QRICH1: variants seen among roughly 807,000 people sequenced by gnomAD.
The protein encoded by QRICH1 is glutamine rich 1.
Under a neutral mutation model 87.1 loss-of-function variants are expected in QRICH1, and 16 were observed. The ratio of observed to expected loss-of-function variants is 0.18; its 90% CI spans 0.12 to 0.28. The LOEUF (loss-of-function observed/expected upper bound fraction) is 0.28, where lower values mean the gene tolerates loss of function less well. QRICH1 is among the 10% of genes least tolerant of loss of function. The pLI is 1.00. For synonymous variants in QRICH1, 367 were observed against 368.4 expected (o/e 1.00, Z 0.05); for missense variants, 647 against 951.7 (o/e 0.68, Z 4.21).
rs765100231 is a variant in QRICH1, at chr3:49,057,112, C to A, written c.1088G>T (p.Gly363Val). ...GGAGTTTTTCACTACAGATGTGGTG[C>A]CCACCATCTTCTCCTTGTCATCCTC... Reference protein sequence around the residue: ...KLEDDKEKMVGTTSVVKNSHE... With the variant: ...KLEDDKEKMVVTTSVVKNSHE... Residue 363 changes from glycine to valine, a missense_variant, in exon 3 of 10, where the codon GGC (glycine) becomes GTC (valine). Physicochemically the swap from Gly to Val is moderately radical, Grantham distance 109 (BLOSUM62 -3). Coordinates refer to ENST00000395443, the MANE Select transcript of QRICH1 (RefSeq NM_198880.3). This position sits in a 1 kb window ranked among gnomAD's most constrained non-coding sequence, Gnocchi z 5.4. The A allele has an allele frequency of 9.9e-6, 16 of 1,614,090 alleles. No individual in the cohort carries two copies. The Admixed American group carries it at 2.5e-4, about 25-fold the overall frequency.
At chr3:49,032,819 G>T in intron 7 of QRICH1, 46 bp from the exon 8 acceptor site, 4 of 1,575,062 alleles carry the variant, frequency 2.5e-6, no homozygotes, top group Non-Finnish European at 2.6e-6. Context: ...GTGCCGGGAG[G>T]ATACCATGAC....
At chr3:49,082,292 T>A (rs1475525676) in intron 1 of QRICH1, among the ~76,000 whole-genome samples, 3 of 152,202 alleles carry the variant, frequency 2.0e-5, no homozygotes, top group Admixed American at 6.6e-5. Context: ...TTCTATTTAA[T>A]CAATATTTTA....
intron 3 of QRICH1, among the ~76,000 whole-genome samples, chr3:49,053,215 G>A (rs527511873): frequency 5.3e-5 from 8 of 152,214 alleles, no homozygotes; most frequent in East Asian, 3.9e-4. Flanking sequence ...TCGGCCAGGC[G>A]CGGTGGCTCA....
chr3:49,070,077 G>A (rs1327061775), intron 2 of QRICH1, among the ~76,000 whole-genome samples: 2 of 148,240 alleles, frequency 1.3e-5, no homozygotes, highest in East Asian at 3.9e-4. Context: ...CGCTCACATT[G>A]CCCAGTCTGG....
At chr3:49,087,822 A>AAAAAAAAAAAAAAAAAAAAAC in intron 1 of QRICH1, among the ~76,000 whole-genome samples, 1 of 145,502 alleles carries the variant, frequency 6.9e-6, no homozygotes, top group Non-Finnish European at 1.5e-5. Flanking sequence ...TCATCTCAAA[A>AAAAAAAAAAAAAAAAAAAAAC]AAAAAAAAAA....
At chr3:49,052,665 TTTTTA>T (rs2106886981) in intron 3 of QRICH1, among the ~76,000 whole-genome samples, 1 of 152,142 alleles carries the variant, frequency 6.6e-6, no homozygotes, top group Non-Finnish European at 1.5e-5. Flanking sequence ...CCAGCTAATT[TTTTTA>T]TTTTTTTATT....
chr3:49,079,781 C>T (rs1015529836), intron 1 of QRICH1, among the ~76,000 whole-genome samples: 1 of 152,142 alleles, frequency 6.6e-6, no homozygotes, highest in Admixed American at 6.6e-5. Context: ...GTAATCCCAG[C>T]ACTTTGGGAG....
At chr3:49,069,543 ATTTTT>A (rs372639913) in intron 2 of QRICH1, among the ~76,000 whole-genome samples, 2 of 122,796 alleles carry the variant, frequency 1.6e-5, no homozygotes, top group African/African-American at 3.1e-5. Context: ...ATGGGGGGGA[ATTTTT>A]TTTTTTTTTT....
intron 6 of QRICH1, among the ~76,000 whole-genome samples, chr3:49,034,079 T>TTATTATTATTA (rs2093259564): frequency 2.7e-5 from 4 of 147,208 alleles, no homozygotes; most frequent in African/African-American, 9.9e-5. Context: ...TTTGGGGGAT[T>TTATTATTATTA]TTATTATTAT....
chr3:49,034,079 T>TTTTTTA (rs1553739007), intron 6 of QRICH1, among the ~76,000 whole-genome samples: 2,673 of 147,200 alleles, frequency 0.018, 94 homozygotes, highest in African/African-American at 0.063. Context: ...TTTGGGGGAT[T>TTTTTTA]TTATTATTAT....
chr3:49,092,010 T>G (rs1431390871), intron 1 of QRICH1, among the ~76,000 whole-genome samples: 1 of 148,280 alleles, frequency 6.7e-6, no homozygotes, highest in Non-Finnish European at 1.5e-5. Flanking sequence ...AGGCGGAGGT[T>G]GCAGTGAGCC....
chr3:49,092,053 C>T (rs2042286741), intron 1 of QRICH1, among the ~76,000 whole-genome samples: 1 of 148,294 alleles, frequency 6.7e-6, no homozygotes, highest in South Asian at 2.1e-4. Context: ...GCCTGGGTGA[C>T]AGAGTGAGAC....
chr3:49,051,629 C>T (rs1217639138), intron 3 of QRICH1, among the ~76,000 whole-genome samples: 1 of 129,170 alleles, frequency 7.7e-6, no homozygotes, highest in Non-Finnish European at 1.6e-5. Context: ...TACTATACAT[C>T]TCCAACTGAA....
At chr3:49,058,351 A>T (rs2093415459) in intron 2 of QRICH1, among the ~76,000 whole-genome samples, 1 of 144,494 alleles carries the variant, frequency 6.9e-6, no homozygotes, top group Admixed American at 6.9e-5. Context: ...TTTTTCCCCA[A>T]ATTCTCATTG....
chr3:49,058,961 C>CT lies in QRICH1; in HGVS notation c.310-1072dup, dbSNP rs1160675425. On this transcript the variant is annotated intron_variant, in intron 2 of 9. Coordinates refer to ENST00000395443, the MANE Select transcript of QRICH1 (RefSeq NM_198880.3). ...ATTGTTTTTGAAATGGAGTTTCACTCTTTTTTTTTTTTTTTTTTGAGACGG... is the reference window on the plus strand; with the variant it reads ...ATTGTTTTTGAAATGGAGTTTCACTCTTTTTTTTTTTTTTTTTTTGAGACGG... Among the ~76,000 whole-genome samples the CT allele has an allele frequency of 6.4e-3, 763 of 119,266 alleles. 6 individuals are homozygous for CT. The highest frequency in any genetic ancestry group is 0.011 in the East Asian group (43 of 3,888). The allele number at this position is 119,266 out of a possible 152,430, so 78.2% of individuals were successfully genotyped here. A position where few individuals can be genotyped will look rare whatever the true frequency, so the allele number is the denominator to read the frequency against.
chr3:49,051,199 A>G (rs1350860647), intron 3 of QRICH1, among the ~76,000 whole-genome samples: 2 of 152,128 alleles, frequency 1.3e-5, no homozygotes, highest in Non-Finnish European at 2.9e-5. Context: ...CACCACTACC[A>G]GCAATACCAC....
Position 49,076,843 on chromosome 3 carries a change from C to T in QRICH1, c.175G>A (p.Gly59Arg), listed in dbSNP as rs1343021749. The T allele has an allele frequency of 2.5e-6, 4 of 1,613,988 alleles. No individual in the cohort carries two copies. Among genetic ancestry groups the T allele is most frequent in the Admixed American group, 3.3e-5 (2 of 59,992 alleles). ...GTGCTGTCTGTGTATATGCAGTTCC[C>T]ACCCTGTTGGTACACCATGGTAGTG... Reference protein sequence around the residue: ...ATTTMVYQQGGNCIYTDSTEV... With the variant: ...ATTTMVYQQGRNCIYTDSTEV... Residue 59 changes from glycine (G) to arginine (R), a missense_variant, in exon 2 of 10, where the codon GGG (glycine) becomes AGG (arginine). Physicochemically the swap from Gly to Arg is moderately radical, Grantham distance 125. Coordinates refer to ENST00000395443, the MANE Select transcript of QRICH1 (RefSeq NM_198880.3).
chr3:49,064,838 GAAACCCTGTCTGTCCTAAAAATACAA>G (rs1474679664), intron 2 of QRICH1, among the ~76,000 whole-genome samples: 1 of 152,072 alleles, frequency 6.6e-6, no homozygotes, highest in Non-Finnish European at 1.5e-5. Context: ...ACAAGATGGT[GAAACCCTGTCTGTCCTAAAAATACAA>G]AAACTAGCCA....
intron 6 of QRICH1, among the ~76,000 whole-genome samples, chr3:49,042,092 G>A (rs1468569879): frequency 1.0e-5 from 1 of 97,158 alleles, no homozygotes; most frequent in East Asian, 2.9e-4. Context: ...TTTTTTTTTT[G>A]GGCGGGGGGG....
Sources: allele counts gnomAD v4.1 joint callset (sites outside exome capture counted in the v4.1 genomes callset), GRCh38; gene constraint gnomAD v4.1.1; non-coding constraint Gnocchi (gnomAD v3.1); transcripts MANE v1.5; gene names NCBI Gene and HGNC (gene_info 2026-07-23, HGNC 2026-07-21).